Variants in DDX60 observed in about 807,000 individuals in gnomAD.
DDX60 encodes the protein probable ATP-dependent RNA helicase DDX60.
In DDX60, 165 loss-of-function variants were observed where a neutral mutation model predicts 212.8. That is an observed-to-expected ratio of 0.78 (90% confidence interval 0.68 to 0.88). The LOEUF (loss-of-function observed/expected upper bound fraction) is 0.88. Ranked by LOEUF, DDX60 falls within the 40% of genes least tolerant of loss-of-function variation. DDX60 has a pLI of 0.00. For synonymous variants in DDX60, 703 were observed against 685.3 expected, an observed-to-expected ratio of 1.03 and a Z score of -0.40; for missense variants, 1,905 against 2,003.9, an observed-to-expected ratio of 0.95 and a Z score of 0.94.
intron 7 of DDX60, among the ~76,000 whole-genome samples, chr4:168,292,222 A>G (rs1736143306): frequency 2.0e-5 from 3 of 151,178 alleles, no homozygotes; most frequent in African/African-American, 7.3e-5. Flanking sequence ...TAATTTTTGT[A>G]TTTTTAGTAG....
chr4:168,266,421 T>C (rs1026904822), intron 22 of DDX60, among the ~76,000 whole-genome samples: 3 of 152,210 alleles, frequency 2.0e-5, no homozygotes, highest in Non-Finnish European at 1.5e-5. Context: ...AAAGACTATA[T>C]GCATGTAAAC....
intron 18 of DDX60, among the ~76,000 whole-genome samples, chr4:168,273,007 A>T (rs563584000): frequency 3.7e-4 from 57 of 152,358 alleles, no homozygotes; most frequent in African/African-American, 1.3e-3. Context: ...CATTCTTCAG[A>T]TCATTCTGAA....
chr4:168,292,560 C>T (rs1206908406), intron 7 of DDX60, among the ~76,000 whole-genome samples: 3 of 152,196 alleles, frequency 2.0e-5, no homozygotes, highest in African/African-American at 7.2e-5. Flanking sequence ...GGACTCTACG[C>T]TGATGGAGCC....
intron 26 of DDX60, 127 bp from the exon 27 acceptor site, chr4:168,252,783 T>G: frequency 1.7e-6 from 1 of 572,294 alleles, no homozygotes; most frequent in Non-Finnish European, 2.9e-6. Context: ...CTTCCACGGC[T>G]GTGCATCTTT....
chr4:168,289,985 T>G (rs948869409), intron 8 of DDX60, among the ~76,000 whole-genome samples: 1 of 152,192 alleles, frequency 6.6e-6, no homozygotes, highest in African/African-American at 2.4e-5. Flanking sequence ...CAGGGAAAGT[T>G]TCTGCAAATG....
chr4:168,293,783 A>T lies in DDX60; in HGVS notation c.882+4T>A. Reference sequence around the variant, plus strand: ...ATTTCTCAGTAAAGTTATAAAAACCACACCTGTTGGATCTCAGTTTCCTGA... The same window carrying T: ...ATTTCTCAGTAAAGTTATAAAAACCTCACCTGTTGGATCTCAGTTTCCTGA... On this transcript the variant is annotated splice_donor_region_variant and intron_variant, in intron 7 of 37. Transcript: ENST00000393743. The T allele has an allele frequency of 1.3e-6, 2 of 1,594,764 alleles. No individual in the cohort carries two copies. The highest frequency in any genetic ancestry group is 1.7e-6 in the Non-Finnish European group (2 of 1,173,840).
chr4:168,260,697 C>G (rs1355839929), intron 25 of DDX60, among the ~76,000 whole-genome samples, 168 bp downstream of exon 25: 2 of 152,192 alleles, frequency 1.3e-5, no homozygotes, highest in African/African-American at 4.8e-5. Context: ...GGAGCTCAGG[C>G]AGCAATGCTC....
At chr4:168,264,327 T>A (rs1579016961) in intron 22 of DDX60, among the ~76,000 whole-genome samples, 1 of 152,220 alleles carries the variant, frequency 6.6e-6, no homozygotes, top group East Asian at 1.9e-4. Flanking sequence ...TCGTTTAACA[T>A]CTCAGTTGGA....
intron 30 of DDX60, among the ~76,000 whole-genome samples, chr4:168,240,221 A>G (rs1295981922): frequency 6.6e-6 from 1 of 152,180 alleles, no homozygotes; most frequent in East Asian, 1.9e-4. Context: ...CCCCTTCACA[A>G]TTGCTACAAA....
At chr4:168,300,397 G>A (rs55671159) in intron 6 of DDX60, among the ~76,000 whole-genome samples, 6,911 of 152,006 alleles carry the variant, frequency 0.045, 226 homozygotes, top group South Asian at 0.16. Flanking sequence ...GAAATTAGCC[G>A]GGCATGGTGG....
chr4:168,283,210 T>C (rs1313366694), intron 13 of DDX60, among the ~76,000 whole-genome samples: 1 of 151,216 alleles, frequency 6.6e-6, no homozygotes, highest in Non-Finnish European at 1.5e-5. Context: ...AGTCACTTAA[T>C]TATTCTTCAA....
chr4:168,303,227 G>A (rs1371625882), intron 5 of DDX60, among the ~76,000 whole-genome samples: 6 of 151,486 alleles, frequency 4.0e-5, no homozygotes, highest in African/African-American at 9.7e-5. Flanking sequence ...GCGAGAACCC[G>A]GGAGGCGGAG....
intron 35 of DDX60, among the ~76,000 whole-genome samples, chr4:168,223,859 T>G (rs1733151094): frequency 6.6e-6 from 1 of 152,074 alleles, no homozygotes; most frequent in Non-Finnish European, 1.5e-5. Flanking sequence ...CAAATGTGTC[T>G]AGTTCTTTGC....
intron 33 of DDX60, among the ~76,000 whole-genome samples, chr4:168,234,781 A>G (rs1733574254): frequency 6.6e-6 from 1 of 152,072 alleles, no homozygotes; most frequent in Non-Finnish European, 1.5e-5. Flanking sequence ...TTACGGCTTT[A>G]GATGTTATCT....
At position 168,287,092 on chromosome 4, in the gene DDX60, G is replaced by A; in HGVS notation, c.1295C>T (p.Thr432Ile). Reference sequence around the variant, plus strand: ...CTTTTCAAGAAAACAAACTTTTGTTGTTCTCAGAGGAAATGGCTGTCCAAC... The same window carrying A: ...CTTTTCAAGAAAACAAACTTTTGTTATTCTCAGAGGAAATGGCTGTCCAAC... ...FEVGQPFPLR[T>I]TKVCFLEKKP... The change falls in exon 10 of 38, where the codon ACA becomes ATA. Residue 432 changes from threonine to isoleucine, a missense_variant. By Grantham distance (89) the Thr-to-Ile change is moderately conservative (BLOSUM62 -1). Coordinates refer to ENST00000393743, the MANE Select transcript of DDX60 (RefSeq NM_017631.6). 1.9e-6 allele frequency: 3 copies of A among 1,609,900 alleles called. No individual in the cohort carries two copies. Among genetic ancestry groups the A allele is most frequent in the African/African-American group, 2.7e-5 (2 of 74,746 alleles).
chr4:168,222,841 T>C (rs28518780), intron 35 of DDX60, among the ~76,000 whole-genome samples: 4,152 of 152,128 alleles, frequency 0.027, 197 homozygotes, highest in African/African-American at 0.094. Flanking sequence ...CTGTGTGTAA[T>C]AGCAAAGACA....
chr4:168,291,610 G>A, intron 8 of DDX60, 138 bp downstream of exon 8: 3 of 560,846 alleles, frequency 5.3e-6, no homozygotes, highest in Non-Finnish European at 8.4e-6. Context: ...ATTGGAAAGT[G>A]ACTGATGTAG....
At chr4:168,246,380 G>GA in intron 30 of DDX60, 38 bp downstream of exon 30, 1 of 1,611,664 alleles carries the variant, frequency 6.2e-7, no homozygotes, top group Non-Finnish European at 8.5e-7. Flanking sequence ...TCAGGCCAGT[G>GA]ATGAAGACTG....
chr4:168,303,947 A>T (rs568681781), intron 5 of DDX60, among the ~76,000 whole-genome samples: 1 of 152,200 alleles, frequency 6.6e-6, no homozygotes, highest in African/African-American at 2.4e-5. Context: ...GCACCACAGC[A>T]CTCCAGCCTG....
Sources: gnomAD v4.1 joint callset for allele counts (sites outside exome capture counted in the v4.1 genomes callset) on GRCh38, gnomAD v4.1.1 for gene constraint, MANE v1.5 for transcripts, NCBI Gene and HGNC (gene_info 2026-07-23, HGNC 2026-07-21) for gene names.